PRKG1: variants seen among roughly 807,000 people sequenced by gnomAD.
The protein encoded by PRKG1 is cGMP-dependent protein kinase 1.
A neutral mutation model predicts 88.1 loss-of-function variants in PRKG1; 35 were observed. The observed-to-expected ratio is 0.40, with a 90% confidence interval of 0.30 to 0.53. The LOEUF is 0.53. Ranked by LOEUF, PRKG1 falls within the 20% of genes least tolerant of loss-of-function variation. The probability of loss-of-function intolerance (pLI) is 0.59; values close to 1 mark genes in which losing one functional copy is unlikely to be tolerated. For missense variants in PRKG1, 540 were observed against 839.8 expected (o/e 0.64, Z 4.41); for synonymous variants, 303 against 292.5 (o/e 1.04, Z -0.37).
chr10:52,211,859 A>G (rs1839984784), intron 9 of PRKG1, among the ~76,000 whole-genome samples: 1 of 152,102 alleles, frequency 6.6e-6, no homozygotes, highest in Admixed American at 6.5e-5. Context: ...TTCAGTTTCT[A>G]TACTTAAAAA....
intron 3 of PRKG1, among the ~76,000 whole-genome samples, chr10:51,678,116 G>C (rs1840756437): frequency 6.6e-6 from 1 of 152,096 alleles, no homozygotes; most frequent in Non-Finnish European, 1.5e-5. Context: ...GGAGAAAGAG[G>C]TCATGCTTTC....
chr10:51,236,447 T>A (rs2132117116), intron 2 of PRKG1, among the ~76,000 whole-genome samples: 1 of 152,256 alleles, frequency 6.6e-6, no homozygotes, highest in African/African-American at 2.4e-5. Context: ...GAAAGTAGTT[T>A]GCATTCCGAA....
chr10:51,009,225 AACCACAAATAGATAT>A (rs1302379693), intron 1 of PRKG1, among the ~76,000 whole-genome samples: 2 of 152,228 alleles, frequency 1.3e-5, no homozygotes, highest in Non-Finnish European at 2.9e-5. Context: ...AAATGGAATA[AACCACAAATAGATAT>A]ATTAGGATAA....
chr10:51,397,680 G>C (rs886397116), intron 2 of PRKG1, among the ~76,000 whole-genome samples: 3 of 126,328 alleles, frequency 2.4e-5, no homozygotes, highest in African/African-American at 8.8e-5. Context: ...TTTCAATATT[G>C]ATGGGATTCT....
intron 2 of PRKG1, among the ~76,000 whole-genome samples, chr10:51,367,429 G>GT (rs1031985913): frequency 6.6e-6 from 1 of 151,862 alleles, no homozygotes; most frequent in Non-Finnish European, 1.5e-5. Context: ...CCAAATGTGC[G>GT]TATGTACAAA....
intron 2 of PRKG1, among the ~76,000 whole-genome samples, chr10:51,288,342 G>C (rs1461484767): frequency 6.6e-6 from 1 of 152,084 alleles, no homozygotes; most frequent in Non-Finnish European, 1.5e-5. Flanking sequence ...ACTGAACAAT[G>C]TATTTGCAAA....
At chr10:51,538,928 T>C (rs1484467375) in intron 3 of PRKG1, among the ~76,000 whole-genome samples, 1 of 152,048 alleles carries the variant, frequency 6.6e-6, no homozygotes, top group African/African-American at 2.4e-5. Context: ...GTAATTGTGT[T>C]TTTTTTCCAT....
chr10:51,430,570 A>G (rs1161400565), intron 2 of PRKG1, among the ~76,000 whole-genome samples: 1 of 152,186 alleles, frequency 6.6e-6, no homozygotes, highest in Non-Finnish European at 1.5e-5. Context: ...TAAATAAAGA[A>G]CCTGACTATA....
intron 3 of PRKG1, among the ~76,000 whole-genome samples, chr10:51,691,743 G>GT (rs1252518755): frequency 6.6e-6 from 1 of 152,184 alleles, no homozygotes; most frequent in African/African-American, 2.4e-5. Context: ...GGTTAGGCTT[G>GT]TGGCCAAATT....
intron 1 of PRKG1, among the ~76,000 whole-genome samples, chr10:51,066,072 T>C (rs1306736782): frequency 6.6e-6 from 1 of 152,024 alleles, no homozygotes; most frequent in East Asian, 1.9e-4. Context: ...GGGTTGAGAA[T>C]AGGTCTTCAC....
intron 7 of PRKG1, among the ~76,000 whole-genome samples, chr10:52,102,215 GC>G (rs938999504): frequency 1.3e-5 from 2 of 151,950 alleles, no homozygotes; most frequent in Non-Finnish European, 2.9e-5. Flanking sequence ...ATTGGACAAT[GC>G]CCCTGGGCCA....
intron 3 of PRKG1, among the ~76,000 whole-genome samples, chr10:51,772,421 G>A (rs1057459295): frequency 6.6e-6 from 1 of 152,002 alleles, no homozygotes; most frequent in Non-Finnish European, 1.5e-5. Flanking sequence ...TTAAAAACTG[G>A]TGAATTAAAA....
At chr10:51,308,034 T>C (rs1305248141) in intron 2 of PRKG1, among the ~76,000 whole-genome samples, 2 of 152,144 alleles carry the variant, frequency 1.3e-5, no homozygotes, top group African/African-American at 4.8e-5. Context: ...GAAAACCAAA[T>C]AAGAAAATGA....
intron 9 of PRKG1, among the ~76,000 whole-genome samples, chr10:52,193,833 T>G (rs1839437634): frequency 6.6e-6 from 1 of 152,168 alleles, no homozygotes; most frequent in Non-Finnish European, 1.5e-5. Context: ...TAAAATTGGT[T>G]GCTTTTTTAA....
intron 5 of PRKG1, among the ~76,000 whole-genome samples, chr10:52,034,386 C>T (rs12762161): frequency 0.25 from 23,957 of 95,506 alleles, 3,133 homozygotes; most frequent in East Asian, 0.43. Context: ...TGAAGGGAGG[C>T]CTTGTGGTAA....
chr10:51,687,734 A>G lies in PRKG1; in HGVS notation c.593-116851A>G, dbSNP rs73341697. On this transcript the variant is annotated intron_variant, in intron 3 of 17. Coordinates refer to ENST00000373980, the MANE Select transcript of PRKG1 (RefSeq NM_006258.4). The stretch of plus-strand genomic sequence containing the variant: ...TGGCTGAAACAATTTTTGGTGTGCC[A>G]TGTTTCTGGTGATCATATATAATAA... Among the ~76,000 whole-genome samples, 798 of 152,320 alleles carry G rather than the reference A, an allele frequency of 5.2e-3. 4 individuals carry two copies. The highest frequency in any genetic ancestry group is 0.018 in the African/African-American group (755 of 41,580).
chr10:51,346,173 T>C (rs1038945338), intron 2 of PRKG1, among the ~76,000 whole-genome samples: 3 of 152,218 alleles, frequency 2.0e-5, no homozygotes, highest in Non-Finnish European at 2.9e-5. Flanking sequence ...AAAAAGTCGT[T>C]GATGATCATT....
chr10:52,095,403 A>G (rs1315295991), intron 7 of PRKG1, among the ~76,000 whole-genome samples: 1 of 152,104 alleles, frequency 6.6e-6, no homozygotes, highest in Non-Finnish European at 1.5e-5. Context: ...TTGTTTCCAT[A>G]GTACTTATAC....
At chr10:51,342,798 T>G (rs981371483) in intron 2 of PRKG1, among the ~76,000 whole-genome samples, 1 of 152,222 alleles carries the variant, frequency 6.6e-6, no homozygotes, top group African/African-American at 2.4e-5. Context: ...CTTCTTGTCC[T>G]AAAGTAAGAC....
Sources: allele counts gnomAD v4.1 joint callset (sites outside exome capture counted in the v4.1 genomes callset), GRCh38; gene constraint gnomAD v4.1.1; transcripts MANE v1.5; gene names NCBI Gene and HGNC (gene_info 2026-07-23, HGNC 2026-07-21).